Variants in CSMD3 observed in about 807,000 individuals in gnomAD.
CSMD3 encodes CUB and Sushi multiple domains 3.
CSMD3 carries 177 observed loss-of-function variants against 435.2 expected under a neutral mutation model. The observed-to-expected ratio is 0.41, with a 90% CI of 0.36 to 0.46. CSMD3 has a LOEUF of 0.46. Among genes scored for constraint, CSMD3 ranks in the 20% least tolerant of loss-of-function variants. The probability of loss-of-function intolerance (pLI) is 0.34; values close to 1 mark genes in which losing one functional copy is unlikely to be tolerated. For synonymous variants in CSMD3, 1,656 were observed against 1,520.5 expected (o/e 1.09, Z -2.07); for missense variants, 4,265 against 4,504.6 (o/e 0.95, Z 1.52).
At chr8:112,987,105 T>C (rs1034099411) in intron 6 of CSMD3, among the ~76,000 whole-genome samples, 1 of 152,068 alleles carries the variant, frequency 6.6e-6, no homozygotes, top group Non-Finnish European at 1.5e-5. Flanking sequence ...ATCAAGATCA[T>C]ATGCATATTA....
At chr8:113,173,158 GAA>G (rs2092295165) in intron 4 of CSMD3, among the ~76,000 whole-genome samples, 1 of 152,002 alleles carries the variant, frequency 6.6e-6, no homozygotes, top group Non-Finnish European at 1.5e-5. Context: ...ATATAAATAT[GAA>G]AGCATATAAA....
At chr8:113,300,405 C>T (rs998746491) in intron 2 of CSMD3, among the ~76,000 whole-genome samples, 5 of 152,096 alleles carry the variant, frequency 3.3e-5, no homozygotes, top group East Asian at 1.9e-4. Context: ...CACTGCAGTA[C>T]TATTCCCAAT....
chr8:113,056,570 G>C (rs144619287), intron 5 of CSMD3, among the ~76,000 whole-genome samples: 1 of 152,160 alleles, frequency 6.6e-6, no homozygotes, highest in East Asian at 1.9e-4. Flanking sequence ...TGGAATGGCA[G>C]CATTACACAC....
intron 1 of CSMD3, among the ~76,000 whole-genome samples, chr8:113,388,067 G>A (rs1050843399): frequency 6.6e-6 from 1 of 151,622 alleles, no homozygotes; most frequent in East Asian, 1.9e-4. Flanking sequence ...AGCCTGAATA[G>A]GCCAGAAAGG....
In CSMD3 at chr8:112,889,646, C is replaced by A. The variant is rs546755815; in HGVS notation, c.1634-30380G>T. On this transcript the variant is annotated intron_variant, in intron 10 of 70. Transcript: ENST00000297405. Reference sequence around the variant, plus strand: ...AACTTCAAATTGAATTAAGAGCAGGCAAATTTGAACTTGGGCGGCGGTTAT... The same window carrying A: ...AACTTCAAATTGAATTAAGAGCAGGAAAATTTGAACTTGGGCGGCGGTTAT... Among the ~76,000 whole-genome samples, 45 of 151,622 alleles carry A rather than the reference C, an allele frequency of 3.0e-4. No individual in the cohort carries two copies. The Middle Eastern group carries it at 0.014, about 46-fold the overall frequency.
At chr8:112,715,181 C>A (rs2076696776) in intron 13 of CSMD3, among the ~76,000 whole-genome samples, 1 of 151,990 alleles carries the variant, frequency 6.6e-6, no homozygotes, top group African/African-American at 2.4e-5. Context: ...ACTAGCTACA[C>A]TAATGAAGGA....
At chr8:112,453,000 G>T (rs976772111) in intron 32 of CSMD3, among the ~76,000 whole-genome samples, 10 of 152,152 alleles carry the variant, frequency 6.6e-5, no homozygotes, top group Non-Finnish European at 4.4e-5. Context: ...GGCGTGTACT[G>T]TGCTCAATGC....
intron 4 of CSMD3, among the ~76,000 whole-genome samples, chr8:113,113,708 T>G (rs2131607581): frequency 6.6e-6 from 1 of 152,292 alleles, no homozygotes; most frequent in Admixed American, 6.5e-5. Flanking sequence ...TTCAATAAAT[T>G]TTCCTTTTTA....
chr8:113,405,937 G>T (rs187473132), intron 1 of CSMD3, among the ~76,000 whole-genome samples: 1 of 151,722 alleles, frequency 6.6e-6, no homozygotes, highest in Admixed American at 6.6e-5. Flanking sequence ...AGGATATCAA[G>T]CTGTTTTACG....
At chr8:113,003,106 G>A (rs1311325825) in intron 6 of CSMD3, among the ~76,000 whole-genome samples, 1 of 152,008 alleles carries the variant, frequency 6.6e-6, no homozygotes, top group African/African-American at 2.4e-5. Context: ...TTAGCTGGGT[G>A]TGGTGGCACA....
chr8:112,891,842 C>T (rs761289829), intron 10 of CSMD3, among the ~76,000 whole-genome samples: 1 of 151,388 alleles, frequency 6.6e-6, no homozygotes, highest in Non-Finnish European at 1.5e-5. Context: ...TATCTGACCC[C>T]AGTCTGTTCT....
intron 6 of CSMD3, among the ~76,000 whole-genome samples, chr8:113,014,117 C>T (rs1405344673): frequency 6.6e-6 from 1 of 152,036 alleles, no homozygotes; most frequent in East Asian, 1.9e-4. Flanking sequence ...GCAGGCATGT[C>T]GTGTCTCTGG....
chr8:113,285,447 G>A (rs1430914555), intron 2 of CSMD3, among the ~76,000 whole-genome samples: 2 of 152,014 alleles, frequency 1.3e-5, no homozygotes. Flanking sequence ...TTTTAGTAGA[G>A]ACGGGGTTTC....
chr8:112,358,172 C>A (rs900317142), intron 38 of CSMD3, among the ~76,000 whole-genome samples: 1 of 152,144 alleles, frequency 6.6e-6, no homozygotes, highest in Non-Finnish European at 1.5e-5. Flanking sequence ...TTTGAACTTG[C>A]ATGGGGCCTG....
chr8:112,472,098 C>A (rs1361135155), intron 32 of CSMD3, among the ~76,000 whole-genome samples: 3 of 152,138 alleles, frequency 2.0e-5, no homozygotes, highest in Non-Finnish European at 4.4e-5. Flanking sequence ...CCTTTGCTGT[C>A]TTTTTATATT....
intron 1 of CSMD3, among the ~76,000 whole-genome samples, chr8:113,380,527 T>G (rs184995896): frequency 1.5e-4 from 23 of 152,292 alleles, no homozygotes; most frequent in Admixed American, 1.3e-3. Context: ...GAATATAGAC[T>G]AATGTTTCCA....
At chr8:112,772,143 G>GA (rs772825904) in intron 13 of CSMD3, among the ~76,000 whole-genome samples, 3 of 149,590 alleles carry the variant, frequency 2.0e-5, no homozygotes, top group Non-Finnish European at 4.4e-5. Context: ...GGTTTCAAAT[G>GA]AAAATTTAAT....
At chr8:112,431,990 G>A (rs554319125) in intron 32 of CSMD3, among the ~76,000 whole-genome samples, 2 of 152,056 alleles carry the variant, frequency 1.3e-5, no homozygotes, top group South Asian at 4.1e-4. Flanking sequence ...ACACTTTGAA[G>A]GTTTTTACTT....
At chr8:113,435,156 G>T (rs574638903) in intron 1 of CSMD3, among the ~76,000 whole-genome samples, 15 of 152,278 alleles carry the variant, frequency 9.9e-5, no homozygotes, top group Middle Eastern at 6.8e-3. Context: ...AACCTGAGCC[G>T]TGCTTTGTAC....
Sources: gnomAD v4.1 joint callset for allele counts (sites outside exome capture counted in the v4.1 genomes callset) on GRCh38, gnomAD v4.1.1 for gene constraint, MANE v1.5 for transcripts, NCBI Gene and HGNC (gene_info 2026-07-23, HGNC 2026-07-21) for gene names.